The following MEMO1 variants were observed in gnomAD, a reference collection of about 807,000 sequenced individuals.
MEMO1 encodes protein MEMO1.
A neutral mutation model predicts 45.2 loss-of-function variants in MEMO1; 6 were observed. The ratio of observed to expected loss-of-function variants is 0.13; its 90% confidence interval spans 0.07 to 0.26. MEMO1 has a LOEUF of 0.26. MEMO1 is among the 10% of genes least tolerant of loss of function. The pLI is 1.00. For synonymous variants in MEMO1, 78 were observed against 124.3 expected (o/e 0.63, Z 2.48); for missense variants, 184 against 370.5 (o/e 0.50, Z 4.13).
intron 6 of MEMO1, among the ~76,000 whole-genome samples, chr2:31,908,424 G>A (rs1381339651): frequency 1.3e-5 from 2 of 151,908 alleles, no homozygotes; most frequent in Non-Finnish European, 2.9e-5. Context: ...GATTTTAGAA[G>A]GTATTACTCT....
chr2:31,993,772 T>C (rs369709960), intron 2 of MEMO1, among the ~76,000 whole-genome samples: 15 of 152,158 alleles, frequency 9.9e-5, no homozygotes, highest in East Asian at 7.7e-4. Flanking sequence ...ACTGATTATA[T>C]GGCAGATTTA....
chr2:31,931,660 T>C (rs963452003), intron 4 of MEMO1, among the ~76,000 whole-genome samples: 1 of 152,042 alleles, frequency 6.6e-6, no homozygotes, highest in Non-Finnish European at 1.5e-5. Context: ...TTCAAATACC[T>C]TATCCTGTCA....
At chr2:32,000,078 G>A (rs1448492550) in intron 2 of MEMO1, among the ~76,000 whole-genome samples, 1 of 151,670 alleles carries the variant, frequency 6.6e-6, no homozygotes, top group East Asian at 1.9e-4. Context: ...AGAGATGATG[G>A]TCTCACTTTT....
chr2:31,895,772 A>C (rs1172072800), intron 6 of MEMO1, among the ~76,000 whole-genome samples: 1 of 151,750 alleles, frequency 6.6e-6, no homozygotes, highest in Non-Finnish European at 1.5e-5. Context: ...TATGATAAGC[A>C]CAAAGAGATC....
At chr2:31,977,497 AATTT>A (rs1347186041) in intron 2 of MEMO1, among the ~76,000 whole-genome samples, 1 of 152,070 alleles carries the variant, frequency 6.6e-6, no homozygotes, top group African/African-American at 2.4e-5. Flanking sequence ...GCTTTTAATT[AATTT>A]ATTTACTTAT....
rs1334739630 is a variant in MEMO1 at position 31,921,863 on chromosome 2, GCA to G, written c.213-955_213-954del. Reference sequence around the variant, plus strand: ...AAAGAAACTAGATTATGTGTTATTTGCACTGTAGTCTAAAGAAAAGAACTGAG... The same window carrying G: ...AAAGAAACTAGATTATGTGTTATTTGCTGTAGTCTAAAGAAAAGAACTGAG... On this transcript the variant is annotated intron_variant, in intron 4 of 9. Transcript: ENST00000404530. 4.6e-5 allele frequency among the ~76,000 whole-genome samples: 7 copies of G among 152,146 alleles called. No individual in the cohort carries two copies. In the East Asian group the frequency reaches 7.7e-4, roughly 17 times the overall value.
intron 2 of MEMO1, among the ~76,000 whole-genome samples, chr2:31,947,923 C>T (rs1666374779): frequency 6.6e-6 from 1 of 152,146 alleles, no homozygotes; most frequent in South Asian, 2.1e-4. Flanking sequence ...ACTTCTCTAT[C>T]GCTGTTTAGC....
chr2:31,982,845 G>A (rs893609303), intron 2 of MEMO1, among the ~76,000 whole-genome samples: 1 of 151,998 alleles, frequency 6.6e-6, no homozygotes, highest in Admixed American at 6.6e-5. Context: ...GTTTCTCAAT[G>A]TTGAGGAGAG....
At chr2:31,949,791 G>A (rs1666623109) in intron 2 of MEMO1, among the ~76,000 whole-genome samples, 1 of 152,028 alleles carries the variant, frequency 6.6e-6, no homozygotes, top group Admixed American at 6.6e-5. Flanking sequence ...ATAAATGATT[G>A]AGGGGATGGA....
intron 6 of MEMO1, among the ~76,000 whole-genome samples, chr2:31,895,030 T>C (rs1268824999): frequency 6.6e-6 from 1 of 152,084 alleles, no homozygotes; most frequent in Non-Finnish European, 1.5e-5. Context: ...AATTAAAAAT[T>C]AAGAAGTTTT....
chr2:31,955,584 AT>A (rs1389630221), intron 2 of MEMO1, among the ~76,000 whole-genome samples: 4 of 152,028 alleles, frequency 2.6e-5, no homozygotes, highest in Non-Finnish European at 4.4e-5. Context: ...TTCTAGTCTA[AT>A]TGAAAACTAT....
At chr2:31,972,642 T>C (rs1188969474) in intron 2 of MEMO1, among the ~76,000 whole-genome samples, 2 of 151,836 alleles carry the variant, frequency 1.3e-5, no homozygotes, top group Non-Finnish European at 1.5e-5. Context: ...GCCCAGGAGA[T>C]GGAGGTTGCA....
intron 6 of MEMO1, among the ~76,000 whole-genome samples, chr2:31,914,410 G>A (rs990938524): frequency 6.6e-6 from 1 of 152,102 alleles, no homozygotes; most frequent in Admixed American, 6.5e-5. Flanking sequence ...AACAAAATGA[G>A]TAAGAACTAG....
chr2:31,963,179 T>A (rs560660167), intron 2 of MEMO1: 1 of 1,543,386 alleles, frequency 6.5e-7, no homozygotes, highest in South Asian at 1.2e-5. Flanking sequence ...CACCGTCAGC[T>A]CTCCTGGGTC....
chr2:31,884,592 A>C (rs1203607140), intron 7 of MEMO1, among the ~76,000 whole-genome samples: 1 of 152,222 alleles, frequency 6.6e-6, no homozygotes, highest in Non-Finnish European at 1.5e-5. Flanking sequence ...CAAAATTATA[A>C]AACCCTCTTT....
At chr2:31,933,707 T>TA (rs1372099001) in intron 3 of MEMO1, among the ~76,000 whole-genome samples, 3 of 152,132 alleles carry the variant, frequency 2.0e-5, no homozygotes, top group Admixed American at 6.5e-5. Flanking sequence ...ATATGGAACA[T>TA]ACACTAAGTT....
At chr2:31,932,348 TTG>T (rs1450946076) in intron 3 of MEMO1, among the ~76,000 whole-genome samples, 3 of 152,178 alleles carry the variant, frequency 2.0e-5, no homozygotes, top group Non-Finnish European at 4.4e-5. Flanking sequence ...TAAAAATACT[TTG>T]TAATTTTTTT....
At chr2:31,942,422 G>A (rs1665721742) in intron 3 of MEMO1, among the ~76,000 whole-genome samples, 3 of 152,244 alleles carry the variant, frequency 2.0e-5, no homozygotes, top group Admixed American at 1.3e-4. Context: ...TTTACCTGAT[G>A]TAAAAAACAC....
chr2:31,923,722 A>G (rs1292474270), intron 4 of MEMO1: 1 of 1,541,070 alleles, frequency 6.5e-7, no homozygotes. Flanking sequence ...ACATCAGAGC[A>G]CTCCTGGAAA....
Sources: allele counts gnomAD v4.1 joint callset (sites outside exome capture counted in the v4.1 genomes callset), GRCh38; gene constraint gnomAD v4.1.1; transcripts MANE v1.5; gene names NCBI Gene and HGNC (gene_info 2026-07-23, HGNC 2026-07-21).